TSPAN5: variants seen among roughly 807,000 people sequenced by gnomAD.
TSPAN5 encodes tetraspanin-5.
In TSPAN5, 10 loss-of-function variants were observed where a neutral mutation model predicts 37.1. The observed-to-expected ratio is 0.27, with a 90% CI of 0.17 to 0.46. TSPAN5 has a LOEUF of 0.46. TSPAN5 is among the 20% of genes least tolerant of loss of function. The probability of loss-of-function intolerance (pLI) is 1.00; values close to 1 mark genes in which losing one functional copy is unlikely to be tolerated. For missense variants in TSPAN5, 195 were observed against 326.6 expected, an observed-to-expected ratio of 0.60 and a Z score of 3.11; for synonymous variants, 110 against 118.9, an observed-to-expected ratio of 0.93 and a Z score of 0.48.
intron 1 of TSPAN5, among the ~76,000 whole-genome samples, chr4:98,513,230 A>G (rs1753650710): frequency 1.3e-5 from 2 of 151,878 alleles, no homozygotes; most frequent in South Asian, 4.2e-4. Flanking sequence ...TAGAGACACG[A>G]GCATGGACCA....
intron 1 of TSPAN5, among the ~76,000 whole-genome samples, chr4:98,604,892 G>C (rs1269164421): frequency 6.6e-6 from 1 of 152,166 alleles, no homozygotes. Context: ...AGCTTGCTCA[G>C]GGACACTCAG....
At chr4:98,603,631 C>A (rs903792149) in intron 1 of TSPAN5, among the ~76,000 whole-genome samples, 2 of 152,182 alleles carry the variant, frequency 1.3e-5, no homozygotes, top group Non-Finnish European at 2.9e-5. Flanking sequence ...CTGGACAGAA[C>A]AGTTGTGGCC....
chr4:98,629,543 T>G (rs1351401051), intron 1 of TSPAN5, among the ~76,000 whole-genome samples: 4 of 152,234 alleles, frequency 2.6e-5, no homozygotes, highest in Admixed American at 2.6e-4. Flanking sequence ...AGTCTCCTGG[T>G]CTTTTATCCA....
At chr4:98,521,924 GTGAC>G (rs1753865997) in intron 1 of TSPAN5, among the ~76,000 whole-genome samples, 1 of 152,082 alleles carries the variant, frequency 6.6e-6, no homozygotes, top group Non-Finnish European at 1.5e-5. Context: ...GAGAGGAAAA[GTGAC>G]TGTTATTAAA....
intron 5 of TSPAN5, among the ~76,000 whole-genome samples, chr4:98,476,728 A>G (rs1230708612): frequency 6.6e-6 from 1 of 152,224 alleles, no homozygotes; most frequent in African/African-American, 2.4e-5. Context: ...TCTATCACAC[A>G]GGAGGCTCAA....
intron 1 of TSPAN5, among the ~76,000 whole-genome samples, chr4:98,553,932 T>C (rs1223607746): frequency 1.3e-5 from 2 of 152,058 alleles, no homozygotes; most frequent in Non-Finnish European, 2.9e-5. Flanking sequence ...CTGGGCGTGA[T>C]GGCAGGCGCC....
intron 1 of TSPAN5, chr4:98,574,881 C>T: frequency 6.6e-6 from 1 of 152,420 alleles, no homozygotes; most frequent in East Asian, 1.9e-4. Flanking sequence ...GGTCTTTGTC[C>T]ACTGTCCAAT....
intron 2 of TSPAN5, among the ~76,000 whole-genome samples, chr4:98,489,663 G>A (rs1291729427): frequency 6.6e-6 from 1 of 152,144 alleles, no homozygotes; most frequent in East Asian, 1.9e-4. Flanking sequence ...CTGTGCTCCT[G>A]ATCCAGCGAG....
chr4:98,620,912 T>C (rs1041829328), intron 1 of TSPAN5, among the ~76,000 whole-genome samples: 1 of 152,180 alleles, frequency 6.6e-6, no homozygotes, highest in Non-Finnish European at 1.5e-5. Context: ...AAAGTCACTG[T>C]TATGGGTTGA....
chr4:98,504,934 C>T (rs1023166701), intron 2 of TSPAN5, among the ~76,000 whole-genome samples: 8 of 152,086 alleles, frequency 5.3e-5, no homozygotes, highest in African/African-American at 1.7e-4. Context: ...ATGATCAAGG[C>T]GCCAAGATTT....
At chr4:98,580,588 A>G (rs770059161) in intron 1 of TSPAN5, among the ~76,000 whole-genome samples, 2 of 152,224 alleles carry the variant, frequency 1.3e-5, no homozygotes, top group Non-Finnish European at 2.9e-5. Flanking sequence ...GAATACCAAG[A>G]TGATGGCCTT....
chr4:98,620,894 G>A lies in TSPAN5; in HGVS notation c.81+37252C>T, dbSNP rs190063367. 8.5e-5 allele frequency among the ~76,000 whole-genome samples: 13 copies of A among 152,256 alleles called. No individual in the cohort carries two copies. The East Asian group carries it at 2.1e-3, about 25-fold the overall frequency. ...TACATTTTTTTAATTGAAAATTCAC[G>A]TAACATAAAAGTCACTGTTATGGGT... On this transcript the variant is annotated intron_variant, in intron 1 of 7. Transcript: ENST00000305798.
intron 1 of TSPAN5, among the ~76,000 whole-genome samples, chr4:98,601,806 T>C (rs370404806): frequency 1.3e-5 from 2 of 152,346 alleles, no homozygotes; most frequent in African/African-American, 4.8e-5. Context: ...GTTCTCACCA[T>C]GCCTTCCTCA....
chr4:98,629,352 C>G (rs1367672564), intron 1 of TSPAN5, among the ~76,000 whole-genome samples: 1 of 152,164 alleles, frequency 6.6e-6, no homozygotes, highest in Admixed American at 6.5e-5. Flanking sequence ...AATAATAGTG[C>G]AGACATCTTA....
In TSPAN5 at chr4:98,496,896, C is replaced by T. The variant is rs542095742; in HGVS notation, c.133-10012G>A. On this transcript the variant is annotated intron_variant, in intron 2 of 7. Coordinates refer to ENST00000305798, the MANE Select transcript of TSPAN5 (RefSeq NM_005723.4). ...GAGGTTCTGGTATGGACTAAATGTTCGTGACTCCCCCAAATTCACATTCTG... is the reference window on the plus strand; with the variant it reads ...GAGGTTCTGGTATGGACTAAATGTTTGTGACTCCCCCAAATTCACATTCTG... Among the ~76,000 whole-genome samples, 19 of 152,230 alleles carry T rather than the reference C, an allele frequency of 1.2e-4. 1 individual carries two copies. The highest frequency in any genetic ancestry group is 6.8e-3 in the Middle Eastern group (2 of 294).
Position 98,477,400 on chromosome 4 carries a change from G to A in TSPAN5, c.577-940C>T, listed in dbSNP as rs145603986. On this transcript the variant is annotated intron_variant, in intron 5 of 7. Transcript: ENST00000305798. ...TGGTCCCCTGGAGGAAGCCCACAGG[G>A]AAGTTCTGCTTTTCCACTCCAAGAC... Among the ~76,000 whole-genome samples, 487 of 152,286 alleles carry A rather than the reference G, an allele frequency of 3.2e-3. 1 individual carries two copies. The highest frequency in any genetic ancestry group is 0.011 in the African/African-American group (462 of 41,574).
chr4:98,483,140 G>C (rs1308749407), intron 3 of TSPAN5: 1 of 152,200 alleles, frequency 6.6e-6, no homozygotes, highest in Non-Finnish European at 1.5e-5. Context: ...GAGCTGTGAA[G>C]GACCAGAGGG....
chr4:98,531,276 G>A (rs1342101410), intron 1 of TSPAN5, among the ~76,000 whole-genome samples: 1 of 151,938 alleles, frequency 6.6e-6, no homozygotes, highest in African/African-American at 2.4e-5. Context: ...GTGTCCGTGT[G>A]TTCTCCTTGT....
At chr4:98,535,321 G>A (rs919901948) in intron 1 of TSPAN5, among the ~76,000 whole-genome samples, 6 of 152,168 alleles carry the variant, frequency 3.9e-5, no homozygotes, top group African/African-American at 1.4e-4. Context: ...GAAATTCTGG[G>A]TTGAAAATTC....
Sources: allele counts gnomAD v4.1 joint callset (sites outside exome capture counted in the v4.1 genomes callset), GRCh38; gene constraint gnomAD v4.1.1; transcripts MANE v1.5; gene names NCBI Gene and HGNC (gene_info 2026-07-23, HGNC 2026-07-21).